UBL3: variants seen among roughly 807,000 people sequenced by gnomAD.
The protein encoded by UBL3 is ubiquitin like 3.
A neutral mutation model predicts 18.4 loss-of-function variants in UBL3; 6 were observed. The ratio of observed to expected loss-of-function variants is 0.33; its 90% CI spans 0.18 to 0.64. The LOEUF is 0.64. Ranked by LOEUF, UBL3 falls within the 30% of genes least tolerant of loss-of-function variation. UBL3 has a pLI of 0.76. For synonymous variants in UBL3, 49 were observed against 46.6 expected (o/e 1.05, Z -0.21); for missense variants, 109 against 142.9 (o/e 0.76, Z 1.21).
intron 1 of UBL3, among the ~76,000 whole-genome samples, chr13:29,808,675 C>G (rs1877958038): frequency 6.6e-6 from 1 of 152,162 alleles, no homozygotes; most frequent in East Asian, 1.9e-4. Context: ...CCCAAAGTCA[C>G]ATGCCTAGTA....
Position 29,767,204 on chromosome 13 carries a change from C to A in UBL3, c.*51G>T. 6.2e-7 allele frequency: 1 copy of A among 1,604,148 alleles called. No individual in the cohort carries two copies. The highest frequency in any genetic ancestry group is 1.1e-5 in the South Asian group (1 of 89,882). ...AAGCAATGTCGGGTCTTTTCTGTCC[C>A]AGCAGCATGAAAGACAAAGACTATA... On this transcript the variant is annotated 3_prime_UTR_variant, in exon 5 of 5. Coordinates refer to ENST00000380680, the MANE Select transcript of UBL3 (RefSeq NM_007106.4).
chr13:29,841,313 G>A (rs535576478), intron 1 of UBL3, among the ~76,000 whole-genome samples: 5 of 151,532 alleles, frequency 3.3e-5, no homozygotes, highest in Admixed American at 3.3e-4. Context: ...TAAAAGTATG[G>A]AGACAAAAAC....
chr13:29,848,972 T>C (rs1470273529), intron 1 of UBL3, among the ~76,000 whole-genome samples: 1 of 152,222 alleles, frequency 6.6e-6, no homozygotes, highest in African/African-American at 2.4e-5. Flanking sequence ...AAAATATCTT[T>C]ATATTTCTGT....
rs1016122806 is a variant in UBL3, at chr13:29,850,578, T to TGGCGGCAGC, written c.-1049_-1041dup. ...CCTGTCATCGCCTCTCAAACCAACA[T>TGGCGGCAGC]GGCGGCAGCGGCGGCGGCGGCGGCT... On this transcript the variant is annotated 5_prime_UTR_variant, in exon 1 of 5. Coordinates refer to ENST00000380680, the MANE Select transcript of UBL3 (RefSeq NM_007106.4). The TGGCGGCAGC allele has an allele frequency of 5.2e-5, 8 of 154,700 alleles. 1 individual carries two copies. In the South Asian group the frequency reaches 1.3e-3, roughly 24 times the overall value. The allele number at this position is 154,700 out of a possible 1,614,324, so 9.6% of individuals were successfully genotyped here.
chr13:29,847,065 A>G (rs1879246353), intron 1 of UBL3, among the ~76,000 whole-genome samples: 1 of 152,226 alleles, frequency 6.6e-6, no homozygotes, highest in African/African-American at 2.4e-5. Flanking sequence ...AATAATCATG[A>G]AGCATTTAAT....
chr13:29,775,954 A>C (rs2139310491), intron 2 of UBL3, among the ~76,000 whole-genome samples: 1 of 152,228 alleles, frequency 6.6e-6, no homozygotes, highest in South Asian at 2.1e-4. Flanking sequence ...CAAAGAAAAT[A>C]AGAAATACCA....
chr13:29,789,788 T>C (rs1338975803), intron 1 of UBL3, among the ~76,000 whole-genome samples: 1 of 152,258 alleles, frequency 6.6e-6, no homozygotes, highest in African/African-American at 2.4e-5. Flanking sequence ...TGACATAGCA[T>C]TGTTACCTTT....
intron 1 of UBL3, among the ~76,000 whole-genome samples, chr13:29,780,368 ATAT>A (rs1371233851): frequency 2.5e-4 from 22 of 89,334 alleles, no homozygotes; most frequent in African/African-American, 9.0e-4. Flanking sequence ...AAAAAAAAAA[ATAT>A]ATATATATAT....
intron 1 of UBL3, among the ~76,000 whole-genome samples, chr13:29,834,056 G>A (rs558313114): frequency 9.9e-5 from 15 of 152,080 alleles, no homozygotes; most frequent in East Asian, 7.7e-4. Context: ...CACAGGTGGC[G>A]CGTGCCTGTA....
chr13:29,835,397 C>A (rs1201903111), intron 1 of UBL3, among the ~76,000 whole-genome samples: 1 of 150,880 alleles, frequency 6.6e-6, no homozygotes, highest in Admixed American at 6.6e-5. Flanking sequence ...TGATGAGCAT[C>A]CTAAGCAAAG....
chr13:29,836,930 AG>A (rs1878974619), intron 1 of UBL3, among the ~76,000 whole-genome samples: 2 of 152,234 alleles, frequency 1.3e-5, no homozygotes, highest in Admixed American at 1.3e-4. Context: ...GGACTTGCCA[AG>A]GAAGAGGTAT....
chr13:29,781,616 A>G (rs1877176394), intron 1 of UBL3, among the ~76,000 whole-genome samples: 1 of 152,032 alleles, frequency 6.6e-6, no homozygotes, highest in African/African-American at 2.4e-5. Context: ...GAGGCCGTGC[A>G]TGCATGGGGG....
At chr13:29,784,206 G>A (rs1028265541) in intron 1 of UBL3, among the ~76,000 whole-genome samples, 14 of 152,190 alleles carry the variant, frequency 9.2e-5, no homozygotes, top group African/African-American at 3.4e-4. Flanking sequence ...TTTTTAGTTG[G>A]TCAGGATGGA....
At chr13:29,843,241 A>T (rs1374491336) in intron 1 of UBL3, among the ~76,000 whole-genome samples, 1 of 152,234 alleles carries the variant, frequency 6.6e-6, no homozygotes, top group Non-Finnish European at 1.5e-5. Flanking sequence ...AAACATACAC[A>T]TAGTATAAAA....
chr13:29,834,985 G>T (rs1878880160), intron 1 of UBL3, among the ~76,000 whole-genome samples: 2 of 149,630 alleles, frequency 1.3e-5, no homozygotes, highest in African/African-American at 2.5e-5. Flanking sequence ...GTCTGTAAGC[G>T]ATCATCTTAC....
Position 29,816,309 on chromosome 13 carries a change from C to A in UBL3, c.27+33203G>T, listed in dbSNP as rs74044756. Among the ~76,000 whole-genome samples the A allele has an allele frequency of 2.3e-3, 351 of 152,138 alleles. 3 individuals are homozygous for A. The highest frequency in any genetic ancestry group is 8.3e-3 in the African/African-American group (346 of 41,494). ...CTGACTAAATTATGGAATATAACCA[C>A]AGAGTTTAGGGAATTTACTTTTAGA... On this transcript the variant is annotated intron_variant, in intron 1 of 4. Coordinates refer to ENST00000380680, the MANE Select transcript of UBL3 (RefSeq NM_007106.4).
At chr13:29,769,553 A>G (rs1429214446) in intron 3 of UBL3, among the ~76,000 whole-genome samples, 2 of 152,004 alleles carry the variant, frequency 1.3e-5, no homozygotes, top group Admixed American at 6.6e-5. Flanking sequence ...GGTTGGGGAG[A>G]GAGGGCATGC....
chr13:29,823,130 T>C (rs1878514942), intron 1 of UBL3, among the ~76,000 whole-genome samples: 1 of 152,216 alleles, frequency 6.6e-6, no homozygotes, highest in Non-Finnish European at 1.5e-5. Context: ...AACCAAATAG[T>C]AAATTTAGTT....
chr13:29,793,029 G>C (rs1877521873), intron 1 of UBL3, among the ~76,000 whole-genome samples: 2 of 152,178 alleles, frequency 1.3e-5, no homozygotes, highest in Admixed American at 6.5e-5. Context: ...CTCATTGTTA[G>C]AGAATATAAA....
Sources: allele counts gnomAD v4.1 joint callset (sites outside exome capture counted in the v4.1 genomes callset), GRCh38; gene constraint gnomAD v4.1.1; transcripts MANE v1.5; gene names NCBI Gene and HGNC (gene_info 2026-07-23, HGNC 2026-07-21).